PTPRD: variants seen among roughly 807,000 people sequenced by gnomAD.
PTPRD encodes protein tyrosine phosphatase receptor type D, also known as receptor-type tyrosine-protein phosphatase delta.
A neutral mutation model predicts 214.5 loss-of-function variants in PTPRD; 34 were observed. The ratio of observed to expected loss-of-function variants is 0.16; its 90% CI spans 0.12 to 0.21. The LOEUF (loss-of-function observed/expected upper bound fraction) is 0.21. Ranked by LOEUF, PTPRD falls within the 10% of genes least tolerant of loss-of-function variation. The pLI is 1.00. For synonymous variants in PTPRD, 1,128 were observed against 845.7 expected, an observed-to-expected ratio of 1.33 and a Z score of -5.79; for missense variants, 2,545 against 2,398.7, an observed-to-expected ratio of 1.06 and a Z score of -1.27.
chr9:9,171,518 A>G (rs964364509), intron 10 of PTPRD, among the ~76,000 whole-genome samples: 1 of 151,954 alleles, frequency 6.6e-6, no homozygotes, highest in East Asian at 1.9e-4. Flanking sequence ...ATTTGAAAGC[A>G]TTGACATCAA....
intron 2 of PTPRD, among the ~76,000 whole-genome samples, chr9:10,561,573 G>C (rs1052291740): frequency 1.3e-5 from 2 of 152,080 alleles, no homozygotes; most frequent in Non-Finnish European, 2.9e-5. Flanking sequence ...AGATTCAATA[G>C]AGACCAAATA....
intron 2 of PTPRD, among the ~76,000 whole-genome samples, chr9:10,503,912 CAA>C (rs2044803970): frequency 6.6e-6 from 1 of 151,336 alleles, no homozygotes; most frequent in African/African-American, 2.4e-5. Context: ...GTCAGGAGAT[CAA>C]GACCATCCTG....
intron 11 of PTPRD, among the ~76,000 whole-genome samples, chr9:8,806,659 T>A (rs999102574): frequency 6.6e-6 from 1 of 152,228 alleles, no homozygotes; most frequent in African/African-American, 2.4e-5. Context: ...TTTCATACCT[T>A]GGCTGGCTTA....
chr9:9,027,676 C>T (rs1278011581), intron 10 of PTPRD, among the ~76,000 whole-genome samples: 24 of 151,790 alleles, frequency 1.6e-4, no homozygotes, highest in Non-Finnish European at 1.2e-4. Flanking sequence ...TATCACATAT[C>T]ATTGAGGTGT....
rs1595881322 is a variant in PTPRD, at chr9:9,329,997, A to C, written c.-203+67452T>G. ...TTCCTTGATTTCCCCACCAGTTCTCACAAAGAACATTTGTAGACTAAACAG... is the reference window on the plus strand; with the variant it reads ...TTCCTTGATTTCCCCACCAGTTCTCCCAAAGAACATTTGTAGACTAAACAG... On this transcript the variant is annotated intron_variant, in intron 9 of 45. Coordinates refer to ENST00000381196, the MANE Select transcript of PTPRD (RefSeq NM_002839.4). Among the ~76,000 whole-genome samples, 4 of 152,238 alleles carry C rather than the reference A, an allele frequency of 2.6e-5. No homozygotes were observed. In the South Asian group the frequency reaches 6.2e-4, roughly 24 times the overall value.
intron 8 of PTPRD, among the ~76,000 whole-genome samples, chr9:9,457,400 A>C (rs1044346454): frequency 6.6e-6 from 1 of 152,044 alleles, no homozygotes; most frequent in South Asian, 2.1e-4. Context: ...ACTAAGTATA[A>C]GAATTAATTG....
At chr9:8,930,680 T>G (rs1432397457) in intron 11 of PTPRD, among the ~76,000 whole-genome samples, 1 of 152,210 alleles carries the variant, frequency 6.6e-6, no homozygotes, top group African/African-American at 2.4e-5. Flanking sequence ...GGTATCTCAT[T>G]GCAGCTTGAT....
intron 3 of PTPRD, among the ~76,000 whole-genome samples, chr9:10,164,823 T>C (rs1191346355): frequency 6.7e-6 from 1 of 149,062 alleles, no homozygotes; most frequent in Non-Finnish European, 1.5e-5. Flanking sequence ...GTTTTAGAAA[T>C]ATAAAGGATG....
intron 3 of PTPRD, among the ~76,000 whole-genome samples, chr9:10,334,148 T>C (rs923424668): frequency 6.6e-6 from 1 of 151,668 alleles, no homozygotes; most frequent in Non-Finnish European, 1.5e-5. Context: ...ATACTAAAGA[T>C]AGGGGAAGGC....
At chr9:10,255,527 G>A (rs1021265293) in intron 3 of PTPRD, among the ~76,000 whole-genome samples, 1 of 152,136 alleles carries the variant, frequency 6.6e-6, no homozygotes, top group Non-Finnish European at 1.5e-5. Flanking sequence ...AGTTGATCTA[G>A]GTGAGAGGTG....
chr9:9,919,936 C>A (rs981640172), intron 5 of PTPRD, among the ~76,000 whole-genome samples: 1 of 152,122 alleles, frequency 6.6e-6, no homozygotes, highest in Middle Eastern at 3.2e-3. Flanking sequence ...TAATCTGTTA[C>A]ATTTGTAACA....
chr9:9,833,776 T>C (rs1184686177), intron 5 of PTPRD, among the ~76,000 whole-genome samples: 1 of 151,786 alleles, frequency 6.6e-6, no homozygotes, highest in Non-Finnish European at 1.5e-5. Context: ...ATTTCTCCCA[T>C]TTGCTTTTGA....
At position 8,331,744 on chromosome 9, in the gene PTPRD, A is replaced by AGGAAAGCCACATAC; in HGVS notation, c.5380-22_5380-9dup. On this transcript the variant is annotated splice_polypyrimidine_tract_variant and intron_variant, in intron 43 of 45. Transcript: ENST00000381196. The stretch of plus-strand genomic sequence containing the variant: ...TGTTCGGGACTGGCCGTCCTTTAGA[A>AGGAAAGCCACATAC]GGAAAGCCACATACCCGGCCGCAAA... 6.3e-7 allele frequency: 1 copy of AGGAAAGCCACATAC among 1,580,936 alleles called. No individual in the cohort carries two copies.
At position 9,019,519 on chromosome 9, in the gene PTPRD, A is replaced by T. The variant is rs7019988; in HGVS notation, c.-142-784T>A. 4.0e-3 allele frequency among the ~76,000 whole-genome samples: 610 copies of T among 152,240 alleles called. 7 individuals are homozygous for T. Among genetic ancestry groups the T allele is most frequent in the African/African-American group, 0.014 (578 of 41,550 alleles). On this transcript the variant is annotated intron_variant, in intron 10 of 45. Coordinates refer to ENST00000381196, the MANE Select transcript of PTPRD (RefSeq NM_002839.4). ...CAGGAATTCAACACCAGCCTGGCCA[A>T]CATGGTGAAACCCCATCTCTACTCA...
intron 36 of PTPRD, among the ~76,000 whole-genome samples, chr9:8,394,425 A>G (rs73418386): frequency 0.018 from 2,708 of 152,262 alleles, 81 homozygotes; most frequent in African/African-American, 0.062. Context: ...CACTGTAGGT[A>G]AAGTCACGTG....
chr9:10,163,533 A>G (rs1473557261), intron 3 of PTPRD, among the ~76,000 whole-genome samples: 1 of 151,510 alleles, frequency 6.6e-6, no homozygotes. Context: ...TGTTATTTTT[A>G]CATACTAAAA....
intron 5 of PTPRD, among the ~76,000 whole-genome samples, chr9:9,932,823 G>C (rs552747975): frequency 2.7e-4 from 35 of 127,346 alleles, no homozygotes; most frequent in African/African-American, 9.0e-4. Flanking sequence ...AGGGCAGCCA[G>C]AGAGAAAGGT....
intron 3 of PTPRD, among the ~76,000 whole-genome samples, chr9:10,224,400 G>A (rs1564630147): frequency 6.6e-6 from 1 of 151,894 alleles, no homozygotes; most frequent in Non-Finnish European, 1.5e-5. Context: ...GGGTACATGA[G>A]CACAATGTGC....
chr9:9,051,232 T>TA (rs1009989979), intron 10 of PTPRD, among the ~76,000 whole-genome samples: 1 of 152,124 alleles, frequency 6.6e-6, no homozygotes, highest in Non-Finnish European at 1.5e-5. Flanking sequence ...TTAAAAAATC[T>TA]AAAAAAATTA....
Sources: gnomAD v4.1 joint callset for allele counts (sites outside exome capture counted in the v4.1 genomes callset) on GRCh38, gnomAD v4.1.1 for gene constraint, MANE v1.5 for transcripts, NCBI Gene and HGNC (gene_info 2026-07-23, HGNC 2026-07-21) for gene names.